The following CHIA variants were observed in gnomAD, a reference collection of about 807,000 sequenced individuals.
CHIA encodes the protein chitinase acidic.
Under a neutral mutation model 53.5 loss-of-function variants are expected in CHIA, and 47 were observed. The observed-to-expected ratio is 0.88, with a 90% CI of 0.70 to 1.12. The LOEUF is 1.12. Among genes scored for constraint, CHIA ranks in the 50% most tolerant of loss-of-function variants. The pLI, the probability that CHIA is intolerant of heterozygous loss-of-function variation, is 0.00. For synonymous variants in CHIA, 268 were observed against 222.2 expected (o/e 1.21, Z -1.83); for missense variants, 652 against 592.2 (o/e 1.10, Z -1.05).
chr1:111,302,123 TTTTAGTAA>T (rs1647808652), intron 1 of CHIA, among the ~76,000 whole-genome samples: 1 of 152,204 alleles, frequency 6.6e-6, no homozygotes, highest in African/African-American at 2.4e-5. Flanking sequence ...TTATTTCTGA[TTTTAGTAA>T]TTTGAGTCTC....
chr1:111,314,498 C>A (rs3818820), intron 4 of CHIA, 42 bp from the exon 5 acceptor site: 146,519 of 1,372,818 alleles, frequency 0.11, 8,558 homozygotes, highest in African/African-American at 0.17. Flanking sequence ...GGAGGGAGTC[C>A]TGACTTTTGA....
chr1:111,304,962 C>G (rs1648061346), intron 1 of CHIA, among the ~76,000 whole-genome samples: 1 of 151,982 alleles, frequency 6.6e-6, no homozygotes, highest in Admixed American at 6.6e-5. Flanking sequence ...TGTGATCTTT[C>G]TGTGTTGCTC....
Position 111,303,695 on chromosome 1 carries a change from T to C in CHIA, c.-68-6705T>C, listed in dbSNP as rs112963998. On this transcript the variant is annotated intron_variant, in intron 1 of 11. Coordinates refer to ENST00000369740, the MANE Select transcript of CHIA (RefSeq NM_201653.4). ...TAAAATACTATCTTTATACATTGTG[T>C]GTTCCAAAATGTAAACTAATGATTC... 9.1e-3 allele frequency among the ~76,000 whole-genome samples: 1,389 copies of C among 152,304 alleles called. 8 individuals carry two copies. Among genetic ancestry groups the C allele is most frequent in the Non-Finnish European group, 0.014 (947 of 67,990 alleles).
chr1:111,315,544 A>G, intron 6 of CHIA, 109 bp downstream of exon 6: 1 of 1,137,078 alleles, frequency 8.8e-7, no homozygotes, highest in East Asian at 2.6e-5. Context: ...AACTGATAGA[A>G]TATTAGCATT....
At chr1:111,312,119 A>G (rs41282490) in intron 3 of CHIA, 71 bp from the exon 4 acceptor site, 142,409 of 1,268,066 alleles carry the variant, frequency 0.11, 8,953 homozygotes, top group African/African-American at 0.19. Flanking sequence ...AACAGAGGCA[A>G]GGCCAAAACT....
chr1:111,298,801 T>TTC (rs1647440127), intron 1 of CHIA, among the ~76,000 whole-genome samples: 2 of 152,144 alleles, frequency 1.3e-5, no homozygotes, highest in African/African-American at 4.8e-5. Flanking sequence ...ATCCAAGAGA[T>TTC]GCTTTTTTGA....
intron 1 of CHIA, among the ~76,000 whole-genome samples, chr1:111,292,181 A>G (rs1661064812): frequency 6.6e-6 from 1 of 152,190 alleles, no homozygotes; most frequent in Admixed American, 6.5e-5. Context: ...TTATTAAATA[A>G]CTAACATGTG....
intron 4 of CHIA, among the ~76,000 whole-genome samples, chr1:111,313,353 T>G (rs1021770750): frequency 1.3e-5 from 2 of 152,240 alleles, no homozygotes; most frequent in African/African-American, 4.8e-5. Flanking sequence ...TCTAAGCGGA[T>G]TGAGTGGTAT....
rs764296327 is a variant in CHIA at position 111,317,675 on chromosome 1, C to G, written c.481-6C>G. On this transcript the variant is annotated splice_polypyrimidine_tract_variant and splice_region_variant and intron_variant, in intron 6 of 11. Transcript: ENST00000369740. ...AGATGTCCTATTATGCCTTATTATT[C>G]TGTAGGAAATGCGTGAAGCTTTTGA... 6.2e-7 allele frequency: 1 copy of G among 1,614,064 alleles called. No homozygotes were observed. The highest frequency in any genetic ancestry group is 8.5e-7 in the Non-Finnish European group (1 of 1,179,972).
chr1:111,306,750 A>G (rs1243140840), intron 1 of CHIA, among the ~76,000 whole-genome samples: 1 of 152,244 alleles, frequency 6.6e-6, no homozygotes, highest in African/African-American at 2.4e-5. Context: ...ATAAAAATTA[A>G]TAAACTTGTG....
intron 1 of CHIA, among the ~76,000 whole-genome samples, chr1:111,295,158 C>T (rs1005642785): frequency 2.0e-5 from 3 of 152,166 alleles, no homozygotes; most frequent in African/African-American, 7.2e-5. Flanking sequence ...TGGTCTACAG[C>T]TTTTCTTTGT....
At position 111,314,468 on chromosome 1, in the gene CHIA, T is replaced by G. The variant is rs564344172; in HGVS notation, c.258-72T>G. 3.4e-5 allele frequency: 36 copies of G among 1,063,168 alleles called. No individual in the cohort carries two copies. The Admixed American group carries it at 6.2e-4, about 18-fold the overall frequency. 65.9% of individuals were successfully genotyped at this position (1,063,168 alleles called of 1,614,324 possible). ...AAAAATATCTGACCAGATCCAACAC[T>G]AAAGCAATGTATTTTAAATGGAGGG... On this transcript the variant is annotated intron_variant, in intron 4 of 11. Transcript: ENST00000369740.
At chr1:111,308,047 A>G (rs1305108386) in intron 1 of CHIA, among the ~76,000 whole-genome samples, 1 of 152,232 alleles carries the variant, frequency 6.6e-6, no homozygotes, top group Admixed American at 6.5e-5. Flanking sequence ...GTAAAAGGAT[A>G]CACATGGTCA....
chr1:111,293,271 C>T (rs1412440176), intron 1 of CHIA, among the ~76,000 whole-genome samples: 4 of 152,110 alleles, frequency 2.6e-5, no homozygotes, highest in Non-Finnish European at 5.9e-5. Flanking sequence ...TGATAGTAGC[C>T]ATCCTAGTGG....
Position 111,319,414 on chromosome 1 carries a change from G to A in CHIA, c.1123G>A (p.Gly375Ser). The A allele has an allele frequency of 6.2e-7, 1 of 1,614,120 alleles. No individual in the cohort carries two copies. Among genetic ancestry groups the A allele is most frequent in the Non-Finnish European group, 8.5e-7 (1 of 1,180,026 alleles). The change falls in exon 11 of 12, where the codon GGC (glycine) becomes AGC (serine). Residue 375 changes from glycine to serine, a missense_variant. Coordinates refer to ENST00000369740, the MANE Select transcript of CHIA (RefSeq NM_201653.4). ...CTTCACTGGCACTTTCTGCAACCAG[G>A]GCAAGTTTCCCCTAATCTCCACCCT... The part of the protein sequence containing the change: ...DDFTGTFCNQ[G>S]KFPLISTLKK...
chr1:111,296,592 T>C (rs987129053), intron 1 of CHIA, among the ~76,000 whole-genome samples: 1 of 152,016 alleles, frequency 6.6e-6, no homozygotes, highest in Non-Finnish European at 1.5e-5. Context: ...AGACCAAAGG[T>C]AGATAAAACC....
intron 1 of CHIA, among the ~76,000 whole-genome samples, chr1:111,297,137 T>A (rs951233583): frequency 6.6e-6 from 1 of 152,240 alleles, no homozygotes. Context: ...TGGAACCATG[T>A]TGGAAAACAC....
chr1:111,303,347 T>C (rs1050451034), intron 1 of CHIA, among the ~76,000 whole-genome samples: 1 of 152,152 alleles, frequency 6.6e-6, no homozygotes, highest in Non-Finnish European at 1.5e-5. Flanking sequence ...CTGGCATTAT[T>C]GTCTTTCTTT....
intron 1 of CHIA, among the ~76,000 whole-genome samples, chr1:111,292,749 C>G (rs1661103628): frequency 6.6e-6 from 1 of 152,060 alleles, no homozygotes; most frequent in African/African-American, 2.4e-5. Flanking sequence ...CCCCATTTCC[C>G]CCTCCCCCAG....
Sources: gnomAD v4.1 joint callset for allele counts (sites outside exome capture counted in the v4.1 genomes callset) on GRCh38, gnomAD v4.1.1 for gene constraint, MANE v1.5 for transcripts, NCBI Gene and HGNC (gene_info 2026-07-23, HGNC 2026-07-21) for gene names.